Variants in CCDC18 observed in about 807,000 individuals in gnomAD.
The protein encoded by CCDC18 is coiled-coil domain-containing protein 18.
CCDC18 carries 157 observed loss-of-function variants against 196.0 expected under a neutral mutation model. The observed-to-expected ratio is 0.80, with a 90% CI of 0.70 to 0.91. The LOEUF (loss-of-function observed/expected upper bound fraction) is 0.91. Ranked by LOEUF, CCDC18 falls within the 40% of genes least tolerant of loss-of-function variation. CCDC18 has a pLI of 0.00. For missense variants in CCDC18, 1,465 were observed against 1,611.6 expected (o/e 0.91, Z 1.56); for synonymous variants, 482 against 529.2 (o/e 0.91, Z 1.22).
rs371617051 is a variant in CCDC18, at chr1:93,239,853, G to C, written c.2938G>C (p.Glu980Gln). The C allele has an allele frequency of 1.9e-6, 3 of 1,612,702 alleles. No individual in the cohort carries two copies. Among genetic ancestry groups the C allele is most frequent in the Non-Finnish European group, 2.5e-6 (3 of 1,179,128 alleles). ...ACTACAGAAGGCTCAATTATCATTA[G>C]AGGAAAAATACACTACTATAAAGGA... is the stretch of plus-strand genomic sequence containing the variant. ...DVLQKAQLSL[E>Q]EKYTTIKDLT... The change falls in exon 21 of 29, where the codon GAG becomes CAG. Residue 980 changes from glutamate to glutamine, a missense_variant. By Grantham distance (29) the Glu-to-Gln change is conservative (BLOSUM62 2). Coordinates refer to ENST00000690025, the MANE Select transcript of CCDC18 (RefSeq NM_001378204.1).
intron 22 of CCDC18, 124 bp downstream of exon 22, chr1:93,246,328 G>A (rs1570551900): frequency 3.6e-6 from 2 of 555,952 alleles, no homozygotes; most frequent in South Asian, 6.3e-5. Flanking sequence ...TCTGCACATA[G>A]GGTTTACTAA....
chr1:93,206,190 A>G (rs373489454), intron 8 of CCDC18, among the ~76,000 whole-genome samples: 61 of 152,196 alleles, frequency 4.0e-4, no homozygotes, highest in African/African-American at 1.5e-3. Context: ...TTTAAAAAAA[A>G]GGGGGAGCAG....
At chr1:93,266,865 A>G (rs1471087293) in intron 27 of CCDC18, among the ~76,000 whole-genome samples, 2 of 152,234 alleles carry the variant, frequency 1.3e-5, no homozygotes, top group Non-Finnish European at 2.9e-5. Flanking sequence ...TACCAGAGGT[A>G]CAAAGAGGAG....
rs1282318608 is a variant in CCDC18, at chr1:93,197,773, A to C, written c.698+4029A>C. ...TTTTTTTTTTTTTTTTTTTTTTGAG[A>C]CAGAGTCTCGCTCTGTCGCCCAGGC... On this transcript the variant is annotated intron_variant, in intron 6 of 28. Transcript: ENST00000690025. Among the ~76,000 whole-genome samples the C allele has an allele frequency of 5.5e-4, 63 of 113,540 alleles. 1 individual carries two copies. Among genetic ancestry groups the C allele is most frequent in the South Asian group, 1.4e-3 (5 of 3,590 alleles). The allele number at this position is 113,540 out of a possible 152,430, so 74.5% of individuals were successfully genotyped here. A position where few individuals can be genotyped will look rare whatever the true frequency, so the allele number is the denominator to read the frequency against.
rs1213469826 is a variant in CCDC18, at chr1:93,236,339, A to G, written c.2552A>G (p.His851Arg). 6 of 1,583,676 alleles carry G rather than the reference A, an allele frequency of 3.8e-6. No homozygotes were observed. Among genetic ancestry groups the G allele is most frequent in the African/African-American group, 1.4e-5 (1 of 72,414 alleles). ...KMEEKCESAA[H>R]EADLKRQKVI... Reference sequence around the variant, plus strand: ...GAGGAGAAATGTGAATCAGCTGCACATGAAGCAGATTTGAAAAGGCAAAAA... The same window carrying G: ...GAGGAGAAATGTGAATCAGCTGCACGTGAAGCAGATTTGAAAAGGCAAAAA... The change falls in exon 19 of 29, where the codon CAT (histidine) becomes CGT (arginine). Residue 851 changes from histidine to arginine, a missense_variant. Coordinates refer to ENST00000690025, the MANE Select transcript of CCDC18 (RefSeq NM_001378204.1).
At chr1:93,204,541 A>C (rs1442345366) in intron 7 of CCDC18, among the ~76,000 whole-genome samples, 5 of 152,134 alleles carry the variant, frequency 3.3e-5, no homozygotes, top group African/African-American at 1.2e-4. Context: ...GAAGCAAGGA[A>C]AACAAGAGTG....
chr1:93,257,231 C>CAAA lies in CCDC18; in HGVS notation c.3546+719_3546+721dup, dbSNP rs71586787. ...TGGGCGACAGAGCAAGACTCCATCT[C>CAAA]AAAAAAAAAAAAAAAAAAAAAAAAA... On this transcript the variant is annotated intron_variant, in intron 25 of 28. Transcript: ENST00000690025. Among the ~76,000 whole-genome samples, 244 of 46,454 alleles carry CAAA rather than the reference C, an allele frequency of 5.3e-3. 40 individuals carry two copies. The highest frequency in any genetic ancestry group is 5.7e-3 in the African/African-American group (68 of 11,894). The allele number at this position is 46,454 out of a possible 152,430, so 30.5% of individuals were successfully genotyped here.
At chr1:93,183,590 C>T in intron 2 of CCDC18, 95 bp downstream of exon 2, 1 of 846,310 alleles carries the variant, frequency 1.2e-6, no homozygotes, top group Non-Finnish European at 1.7e-6. Context: ...TTCTAACCTG[C>T]CTCTGGAATA....
chr1:93,255,626 C>CT (rs1174709587), intron 24 of CCDC18, among the ~76,000 whole-genome samples: 1 of 152,080 alleles, frequency 6.6e-6, no homozygotes, highest in Admixed American at 6.6e-5. Flanking sequence ...GTCCCAGCTA[C>CT]TTGGGAGGCT....
At chr1:93,206,994 A>G in intron 8 of CCDC18, 113 bp from the exon 9 acceptor site, 1 of 578,728 alleles carries the variant, frequency 1.7e-6, no homozygotes, top group Non-Finnish European at 2.9e-6. Context: ...AAATGTGAGC[A>G]GGTATTATTT....
At chr1:93,222,224 T>C (rs537250106) in intron 16 of CCDC18, among the ~76,000 whole-genome samples, 1 of 152,260 alleles carries the variant, frequency 6.6e-6, no homozygotes, top group East Asian at 1.9e-4. Flanking sequence ...AATTCAGAGC[T>C]GACGATTTGA....
chr1:93,212,313 GT>G (rs372867774), intron 11 of CCDC18, 52 bp downstream of exon 11: 68 of 1,200,468 alleles, frequency 5.7e-5, no homozygotes, highest in Middle Eastern at 3.0e-4. Flanking sequence ...TTGGATGATA[GT>G]TTTTTTTTAA....
At chr1:93,270,250 A>T (rs1665107042) in intron 27 of CCDC18, 97 bp from the exon 28 acceptor site, 8 of 708,990 alleles carry the variant, frequency 1.1e-5, no homozygotes, top group Middle Eastern at 2.4e-4. Flanking sequence ...CTATAGTGGG[A>T]CAAAGGTTGA....
chr1:93,232,545 A>G lies in CCDC18; in HGVS notation c.2412A>G (p.Thr804=), dbSNP rs1044193889. The change falls in exon 18 of 29, where the codon ACA becomes ACG. Residue 804 remains threonine, a synonymous_variant. Transcript: ENST00000690025. ...AGCAGCAAATGTTACAACAAGAGACAATTAGAAATGGAGAGCTAGAAGATA... is the reference window on the plus strand; with the variant it reads ...AGCAGCAAATGTTACAACAAGAGACGATTAGAAATGGAGAGCTAGAAGATA... ...QQQQQMLQQE[T]IRNGELEDTQ... 11 of 1,612,750 alleles carry G rather than the reference A, an allele frequency of 6.8e-6. No homozygotes were observed. In the African/African-American group the frequency reaches 1.3e-4, roughly 20 times the overall value.
At chr1:93,180,266 GA>G, upstream of CCDC18, 1 of 1,592,416 alleles carries the variant, frequency 6.3e-7, no homozygotes. Flanking sequence ...ATCCCGGGCT[GA>G]AAGAGGCGTC....
At chr1:93,212,283 A>C (rs766033397) in intron 11 of CCDC18, 22 bp downstream of exon 11, 16 of 1,409,896 alleles carry the variant, frequency 1.1e-5, no homozygotes, top group Non-Finnish European at 1.5e-5. Context: ...GAGTTATTTT[A>C]ATAAATTATA....
chr1:93,223,900 T>TACACAC lies in CCDC18; in HGVS notation c.2175+2000_2175+2005dup, dbSNP rs60165485. 5.7e-4 allele frequency among the ~76,000 whole-genome samples: 80 copies of TACACAC among 141,388 alleles called. 1 individual carries two copies. The highest frequency in any genetic ancestry group is 1.6e-3 in the African/African-American group (62 of 38,116). 92.8% of individuals were successfully genotyped at this position (141,388 alleles called of 152,430 possible). On this transcript the variant is annotated intron_variant, in intron 16 of 28. Coordinates refer to ENST00000690025, the MANE Select transcript of CCDC18 (RefSeq NM_001378204.1). ...TTTTTGTTTTGATTTCATTTATTTA[T>TACACAC]ACACACACACACACACACACACACA...
At position 93,264,888 on chromosome 1, in the gene CCDC18, C is replaced by G. The variant is rs1664290790; in HGVS notation, c.3872C>G (p.Ala1291Gly). Residue 1291 changes from alanine to glycine, a missense_variant, in exon 27 of 29, where the codon GCA becomes GGA. Physicochemically the swap from Ala to Gly is moderately conservative, Grantham distance 60. Transcript: ENST00000690025. ...GAAGTAATTGAAGCTGCAAATGAAG[C>G]ATTACTTACTAAAGTAAGTAAACAT... ...RNEVIEAANE[A>G]LLTKESELTR... is the part of the protein sequence containing the mutation. 2.5e-6 allele frequency: 4 copies of G among 1,603,112 alleles called. No homozygotes were observed. Among genetic ancestry groups the G allele is most frequent in the African/African-American group, 1.3e-5 (1 of 74,666 alleles).
At chr1:93,222,085 T>A in intron 16 of CCDC18, 149 bp downstream of exon 16, 1 of 540,496 alleles carries the variant, frequency 1.9e-6, no homozygotes, top group Non-Finnish European at 3.3e-6. Flanking sequence ...TCCTCCCACA[T>A]GAGCCTCCTG....
Sources: gnomAD v4.1 joint callset for allele counts (sites outside exome capture counted in the v4.1 genomes callset) on GRCh38, gnomAD v4.1.1 for gene constraint, MANE v1.5 for transcripts, NCBI Gene and HGNC (gene_info 2026-07-23, HGNC 2026-07-21) for gene names.